The following HLCS variants were observed in gnomAD, a reference collection of about 807,000 sequenced individuals.
HLCS encodes holocarboxylase synthetase, also known as biotin--protein ligase.
HLCS carries 53 observed loss-of-function variants against 75.0 expected under a neutral mutation model. The ratio of observed to expected loss-of-function variants is 0.71; its 90% CI spans 0.57 to 0.89. The LOEUF is 0.89. Among genes scored for constraint, HLCS ranks in the 40% least tolerant of loss-of-function variants. HLCS has a pLI of 0.00. For missense variants in HLCS, 966 were observed against 1,074.0 expected (o/e 0.90, Z 1.41); for synonymous variants, 431 against 428.6 (o/e 1.01, Z -0.07).
At chr21:36,794,541 G>T (rs980924250) in intron 6 of HLCS, among the ~76,000 whole-genome samples, 12 of 152,186 alleles carry the variant, frequency 7.9e-5, no homozygotes, top group Non-Finnish European at 1.6e-4. Flanking sequence ...TATGGGGTTG[G>T]GGGGAATAGG....
At chr21:36,962,636 CA>C (rs950962339) in intron 1 of HLCS, among the ~76,000 whole-genome samples, 1 of 151,310 alleles carries the variant, frequency 6.6e-6, no homozygotes, top group African/African-American at 2.4e-5. Context: ...AAAAACATAC[CA>C]AAAAAATGAG....
chr21:36,795,925 A>G (rs2061012183), intron 6 of HLCS, among the ~76,000 whole-genome samples: 1 of 152,274 alleles, frequency 6.6e-6, no homozygotes. Context: ...AAAAACAGTG[A>G]AACTAGAAAA....
intron 10 of HLCS, 145 bp downstream of exon 10, chr21:36,756,397 G>A: frequency 1.5e-6 from 1 of 653,228 alleles, no homozygotes; most frequent in East Asian, 3.0e-5. Context: ...CTTGCAGTGA[G>A]CCAAGATCGT....
chr21:36,771,868 G>A (rs1568986306), intron 6 of HLCS, among the ~76,000 whole-genome samples: 1 of 151,908 alleles, frequency 6.6e-6, no homozygotes, highest in South Asian at 2.1e-4. Context: ...GTGTGGTGGC[G>A]GGTGCCTGTA....
At chr21:36,760,688 G>T (rs1490905855) in intron 8 of HLCS, among the ~76,000 whole-genome samples, 2 of 152,136 alleles carry the variant, frequency 1.3e-5, no homozygotes, top group Non-Finnish European at 2.9e-5. Context: ...ACTGCTAATG[G>T]TCATCTTGGG....
intron 6 of HLCS, among the ~76,000 whole-genome samples, chr21:36,822,980 T>C (rs1262691804): frequency 1.3e-5 from 2 of 152,242 alleles, no homozygotes; most frequent in Non-Finnish European, 2.9e-5. Flanking sequence ...TTATATTGAT[T>C]AGGGCATAAC....
intron 5 of HLCS, among the ~76,000 whole-genome samples, chr21:36,914,293 C>A (rs938463055): frequency 2.0e-5 from 3 of 152,188 alleles, no homozygotes; most frequent in African/African-American, 7.2e-5. Flanking sequence ...TTCTACACAG[C>A]CTGATCTAGC....
intron 6 of HLCS, among the ~76,000 whole-genome samples, chr21:36,876,330 A>G (rs1010966161): frequency 4.6e-5 from 7 of 152,116 alleles, no homozygotes; most frequent in African/African-American, 1.7e-4. Context: ...TTTCGTATAC[A>G]TTTCCACAAA....
intron 6 of HLCS, among the ~76,000 whole-genome samples, chr21:36,868,583 G>C (rs1410498027): frequency 6.6e-6 from 1 of 151,804 alleles, no homozygotes; most frequent in East Asian, 1.9e-4. Flanking sequence ...GGTGGCATTT[G>C]GATTCTAAGT....
chr21:36,770,141 CTTTTT>C (rs902358188), intron 6 of HLCS, among the ~76,000 whole-genome samples: 20 of 103,630 alleles, frequency 1.9e-4, no homozygotes, highest in African/African-American at 8.7e-4. Flanking sequence ...ACTATAGATG[CTTTTT>C]TTTTTTTTTT....
chr21:36,918,202 T>A (rs965285999), intron 5 of HLCS, among the ~76,000 whole-genome samples: 2 of 152,210 alleles, frequency 1.3e-5, no homozygotes, highest in Non-Finnish European at 2.9e-5. Context: ...TGCCGGAAAT[T>A]CTTCCTGCAA....
intron 2 of HLCS, chr21:36,948,429 A>G (rs1337643754): frequency 1.3e-5 from 2 of 151,910 alleles, no homozygotes; most frequent in Non-Finnish European, 2.9e-5. Context: ...CTTTCACTTG[A>G]TATTATGTAA....
At chr21:36,940,404 T>C (rs2067091046) in intron 2 of HLCS, among the ~76,000 whole-genome samples, 1 of 152,192 alleles carries the variant, frequency 6.6e-6, no homozygotes, top group Non-Finnish European at 1.5e-5. Flanking sequence ...CTTGAACTCC[T>C]GGCCTTGAGT....
intron 4 of HLCS, 115 bp downstream of exon 4, chr21:36,936,334 G>GC (rs1409267197): frequency 2.1e-6 from 2 of 943,376 alleles, no homozygotes; most frequent in Non-Finnish European, 3.5e-6. Flanking sequence ...GTCAAAAACA[G>GC]CCCGCAGCAC....
At chr21:36,956,465 A>AT (rs1361001555) in intron 2 of HLCS, among the ~76,000 whole-genome samples, 30 of 152,226 alleles carry the variant, frequency 2.0e-4, no homozygotes, top group Non-Finnish European at 1.5e-4. Context: ...GTGGTGGCTC[A>AT]CACTTGTAAT....
intron 2 of HLCS, among the ~76,000 whole-genome samples, chr21:36,940,184 T>G (rs1342601013): frequency 6.6e-6 from 1 of 152,228 alleles, no homozygotes; most frequent in South Asian, 2.1e-4. Flanking sequence ...TTTTATTAGC[T>G]GTCACAAATG....
intron 6 of HLCS, among the ~76,000 whole-genome samples, chr21:36,880,837 C>G (rs1216490302): frequency 6.6e-6 from 1 of 152,198 alleles, no homozygotes; most frequent in Non-Finnish European, 1.5e-5. Flanking sequence ...TCCCAGAGCA[C>G]TCCTTAGGGC....
At chr21:36,821,721 T>A (rs899257284) in intron 6 of HLCS, among the ~76,000 whole-genome samples, 5 of 152,194 alleles carry the variant, frequency 3.3e-5, no homozygotes, top group African/African-American at 1.2e-4. Context: ...CCGCATTTTG[T>A]CTGAATAGAC....
intron 6 of HLCS, among the ~76,000 whole-genome samples, chr21:36,796,118 T>A (rs1291747494): frequency 2.0e-5 from 3 of 152,140 alleles, no homozygotes; most frequent in Admixed American, 2.0e-4. Flanking sequence ...ATGATTCTAG[T>A]ATAATCTCAA....
Sources: gnomAD v4.1 joint callset for allele counts (sites outside exome capture counted in the v4.1 genomes callset) on GRCh38, gnomAD v4.1.1 for gene constraint, MANE v1.5 for transcripts, NCBI Gene and HGNC (gene_info 2026-07-23, HGNC 2026-07-21) for gene names.